Variants in AP5M1 observed in about 807,000 individuals in gnomAD.
The protein encoded by AP5M1 is adaptor related protein complex 5 subunit mu 1, also known as AP-5 complex subunit mu-1.
A neutral mutation model predicts 52.3 loss-of-function variants in AP5M1; 44 were observed. The observed-to-expected ratio is 0.84, with a 90% confidence interval of 0.66 to 1.08. The LOEUF is 1.08. AP5M1 is among the 50% of genes least tolerant of loss of function. The pLI is 0.00. For missense variants in AP5M1, 526 were observed against 568.4 expected (o/e 0.93, Z 0.76); for synonymous variants, 213 against 199.0 (o/e 1.07, Z -0.59).
At chr14:57,279,255 A>G (rs1333266535) in intron 2 of AP5M1, among the ~76,000 whole-genome samples, 2 of 152,256 alleles carry the variant, frequency 1.3e-5, no homozygotes, top group Non-Finnish European at 2.9e-5. Flanking sequence ...CACTATTCAC[A>G]ATAGTAAAGA....
chr14:57,295,156 A>C lies in AP5M1; in HGVS notation c.*6272A>C, dbSNP rs188786417. 67 of 151,964 alleles carry C rather than the reference A, an allele frequency of 4.4e-4. 1 individual carries two copies. The highest frequency in any genetic ancestry group is 4.2e-3 in the Admixed American group (64 of 15,212). The allele number at this position is 151,964 out of a possible 1,614,324, so 9.4% of individuals were successfully genotyped here. A position where few individuals can be genotyped will look rare whatever the true frequency, so the allele number is the denominator to read the frequency against. On this transcript the variant is annotated 3_prime_UTR_variant, in exon 8 of 8. Coordinates refer to ENST00000261558, the MANE Select transcript of AP5M1 (RefSeq NM_018229.4). ...TTGTTTCTAAAGGACATAGGAGTGC[A>C]TTTTTTATATGAAACCAGAACTGGA... is the stretch of plus-strand genomic sequence containing the variant.
Position 57,269,200 on chromosome 14 carries a change from G to T in AP5M1, c.-115G>T. The T allele has an allele frequency of 1.0e-6, 1 of 982,320 alleles. No individual in the cohort carries two copies. The highest frequency in any genetic ancestry group is 1.6e-6 in the Non-Finnish European group (1 of 644,222). 60.9% of individuals were successfully genotyped at this position (982,320 alleles called of 1,614,324 possible). On this transcript the variant is annotated 5_prime_UTR_variant, in exon 1 of 8. Coordinates refer to ENST00000261558, the MANE Select transcript of AP5M1 (RefSeq NM_018229.4). ...TCTCTGCTGAGCGCGACCGGTATGCGGCGCAGGATGAGCCTCAGGGCTTCT... is the reference window on the plus strand; with the variant it reads ...TCTCTGCTGAGCGCGACCGGTATGCTGCGCAGGATGAGCCTCAGGGCTTCT...
At chr14:57,287,592 C>T (rs550706615) in intron 7 of AP5M1, among the ~76,000 whole-genome samples, 1 of 152,168 alleles carries the variant, frequency 6.6e-6, no homozygotes, top group African/African-American at 2.4e-5. Context: ...AAGATAGGAA[C>T]ATACCTGCTT....
At chr14:57,280,738 C>A (rs1194740670) in intron 3 of AP5M1, among the ~76,000 whole-genome samples, 1 of 151,926 alleles carries the variant, frequency 6.6e-6, no homozygotes, top group Non-Finnish European at 1.5e-5. Context: ...GTAATCCCAT[C>A]TACTTGGGTG....
intron 2 of AP5M1, chr14:57,275,396 A>AGG (rs1885003042): frequency 1.6e-5 from 1 of 61,150 alleles, no homozygotes. Context: ...ATGATGAGAG[A>AGG]GGGGTGGGGG....
At chr14:57,271,115 T>C (rs999134019) in intron 1 of AP5M1, 5 of 152,254 alleles carry the variant, frequency 3.3e-5, no homozygotes, top group Non-Finnish European at 7.3e-5. Context: ...AGTTCTACTA[T>C]GTTGGACAGT....
chr14:57,284,278 AC>A (rs1566518688), intron 6 of AP5M1, among the ~76,000 whole-genome samples: 1 of 152,190 alleles, frequency 6.6e-6, no homozygotes, highest in Non-Finnish European at 1.5e-5. Context: ...ATGCTTAGAA[AC>A]CAGTGCTAAA....
At chr14:57,275,170 G>A in intron 2 of AP5M1, 1 of 421,792 alleles carries the variant, frequency 2.4e-6, no homozygotes, top group South Asian at 2.3e-5. Context: ...TTTCAGGGTA[G>A]AATCACTCAT....
rs138148216 is a variant in AP5M1 at position 57,269,344 on chromosome 14, C to A, written c.30C>A (p.Ser10Arg). Residue 10 changes from serine to arginine, a missense_variant, in exon 1 of 8, where the codon AGC becomes AGA. By Grantham distance (110) the Ser-to-Arg change is moderately radical (BLOSUM62 -1). Transcript: ENST00000261558. ...CGCAGCGGGCAGTGTGGCTCATAAG[C>A]CACGAACCGGGAACTCCACTTTGTG... MAQRAVWLI[S>R]HEPGTPLCGT... The A allele has an allele frequency of 1.0e-4, 161 of 1,613,982 alleles. No individual in the cohort carries two copies. Among genetic ancestry groups the A allele is most frequent in the Non-Finnish European group, 1.2e-4 (139 of 1,180,022 alleles).
rs570389341 is a variant in AP5M1, at chr14:57,269,889, A to G, written c.74+501A>G. Among the ~76,000 whole-genome samples the G allele has an allele frequency of 7.9e-5, 12 of 152,214 alleles. No homozygotes were observed. In the South Asian group the frequency reaches 2.5e-3, roughly 32 times the overall value. On this transcript the variant is annotated intron_variant, in intron 1 of 7. Transcript: ENST00000261558. ...AGTGGTGCGATCTCCGCTCACTGCA[A>G]GCTCCGCCTCCCGGGTTCATGCCGT...
At chr14:57,281,604 A>G (rs1342689978) in intron 3 of AP5M1, among the ~76,000 whole-genome samples, 2 of 152,232 alleles carry the variant, frequency 1.3e-5, no homozygotes, top group Non-Finnish European at 2.9e-5. Flanking sequence ...CTTGCCCTGT[A>G]TAAGTAGTCT....
Position 57,282,939 on chromosome 14 carries a change from C to A in AP5M1, c.1094C>A (p.Pro365Gln). Residue 365 changes from proline (P) to glutamine (Q), a missense_variant, in exon 5 of 8, where the codon CCA becomes CAA. This residue lies in a region of AP5M1 where 425 missense variants were observed against 430.6 expected (regional missense o/e 0.99). Coordinates refer to ENST00000261558, the MANE Select transcript of AP5M1 (RefSeq NM_018229.4). ...EAHIPFYNRGPITHLEYKTSF... is the reference protein window; with the variant it reads ...EAHIPFYNRGQITHLEYKTSF... ...TTATCCTTTTCTTTTTAAAGAGGTC[C>A]AATTACACATTTGGAATACAAAACT... The A allele has an allele frequency of 6.3e-7, 1 of 1,579,614 alleles. No homozygotes were observed. The highest frequency in any genetic ancestry group is 1.2e-5 in the South Asian group (1 of 85,764).
chr14:57,283,290 TTTCTAGTTGA>T (rs1203590895), intron 6 of AP5M1, 60 bp downstream of exon 6: 1 of 959,478 alleles, frequency 1.0e-6, no homozygotes, highest in African/African-American at 1.7e-5. Flanking sequence ...AAATTGCATA[TTTCTAGTTGA>T]TTTTTAATGT....
In AP5M1 at chr14:57,273,812, T is replaced by C. The variant is rs994514312; in HGVS notation, c.75-432T>C. 1.9e-5 allele frequency: 13 copies of C among 690,410 alleles called. 1 individual carries two copies. The highest frequency in any genetic ancestry group is 6.1e-5 in the South Asian group (4 of 65,370). 42.8% of individuals were successfully genotyped at this position (690,410 alleles called of 1,614,324 possible). The stretch of plus-strand genomic sequence containing the variant: ...ATCTCAACTAATGAATCCAAAATTA[T>C]GGAGGGTTAAATTGAACCACTTTGT... On this transcript the variant is annotated intron_variant, in intron 1 of 7. Transcript: ENST00000261558.
rs1197371186 is a variant in AP5M1 at position 57,298,055 on chromosome 14, A to G, written c.*9171A>G. 1 of 152,194 alleles carries G rather than the reference A, an allele frequency of 6.6e-6. No individual in the cohort carries two copies. Among genetic ancestry groups the G allele is most frequent in the African/African-American group, 2.4e-5 (1 of 41,454 alleles). The allele number at this position is 152,194 out of a possible 1,614,324, so 9.4% of individuals were successfully genotyped here. A position where few individuals can be genotyped will look rare whatever the true frequency, so the allele number is the denominator to read the frequency against. ...GGCAACAGCTGAGGCTGCCCATCATAGGACACGTTCCTTGCAGTTATGCTT... is the reference window on the plus strand; with the variant it reads ...GGCAACAGCTGAGGCTGCCCATCATGGGACACGTTCCTTGCAGTTATGCTT... On this transcript the variant is annotated 3_prime_UTR_variant, in exon 8 of 8. Transcript: ENST00000261558.
Position 57,283,158 on chromosome 14 carries a change from A to G in AP5M1, c.1221A>G (p.Val407=), listed in dbSNP as rs1885226295. 2 of 1,613,900 alleles carry G rather than the reference A, an allele frequency of 1.2e-6. No individual in the cohort carries two copies. The highest frequency in any genetic ancestry group is 2.2e-5 in the South Asian group (2 of 91,024). Residue 407 remains valine, a synonymous_variant, in exon 6 of 8, where the codon GTA becomes GTG. Transcript: ENST00000261558. ...KSMEISLSGT[V]TFGAKSHEKQ... ...TGGAAATTAGTCTTTCTGGAACTGT[A>G]ACTTTTGGAGCCAAGAGCCATGAGA...
At chr14:57,282,275 AT>A in intron 4 of AP5M1, 47 bp downstream of exon 4, 2 of 1,370,376 alleles carry the variant, frequency 1.5e-6, no homozygotes, top group Non-Finnish European at 1.9e-6. Flanking sequence ...TCCTTAATAC[AT>A]TTCCACTGTC....
At chr14:57,270,057 C>T (rs1884847415) in intron 1 of AP5M1, among the ~76,000 whole-genome samples, 1 of 152,210 alleles carries the variant, frequency 6.6e-6, no homozygotes, top group Admixed American at 6.5e-5. Flanking sequence ...ATCCGCCCGC[C>T]TTGGCTCTCA....
At chr14:57,282,781 T>C (rs1885214254) in intron 4 of AP5M1, among the ~76,000 whole-genome samples, 153 bp from the exon 5 acceptor site, 1 of 152,198 alleles carries the variant, frequency 6.6e-6, no homozygotes, top group South Asian at 2.1e-4. Context: ...TTTTCAAGAT[T>C]TAACATTCAT....
Sources: gnomAD v4.1 joint callset for allele counts (sites outside exome capture counted in the v4.1 genomes callset) on GRCh38, gnomAD v4.1.1 for gene constraint, gnomAD v4.1.1 regional missense constraint, MANE v1.5 for transcripts, NCBI Gene and HGNC (gene_info 2026-07-23, HGNC 2026-07-21) for gene names.